Variants in JAKMIP2 observed in about 807,000 individuals in gnomAD.
JAKMIP2 encodes janus kinase and microtubule interacting protein 2, also known as janus kinase and microtubule-interacting protein 2.
A neutral mutation model predicts 115.0 loss-of-function variants in JAKMIP2; 25 were observed. That is an observed-to-expected ratio of 0.22 (90% CI 0.16 to 0.30). The LOEUF (loss-of-function observed/expected upper bound fraction) is 0.30. JAKMIP2 is among the 10% of genes least tolerant of loss of function. JAKMIP2 has a pLI of 1.00. For missense variants in JAKMIP2, 642 were observed against 957.6 expected (o/e 0.67, Z 4.35); for synonymous variants, 334 against 343.6 (o/e 0.97, Z 0.31).
rs1443942973 is a variant in JAKMIP2, at chr5:147,661,141, A to G, written c.434T>C (p.Phe145Ser). 2 of 1,614,000 alleles carry G rather than the reference A, an allele frequency of 1.2e-6. No homozygotes were observed. Among genetic ancestry groups the G allele is most frequent in the Non-Finnish European group, 1.7e-6 (2 of 1,180,012 alleles). The change falls in exon 3 of 22, where the codon TTT (phenylalanine) becomes TCT (serine). Residue 145 changes from phenylalanine (F) to serine (S), a missense_variant. By Grantham distance (155) the Phe-to-Ser change is radical. Coordinates refer to ENST00000616793, the MANE Select transcript of JAKMIP2 (RefSeq NM_001270941.2). ...TAAGAGCTTAAGGCGCTCTGTGTCAAACAGTTTCCGGGCCTCCTCCCGGGC... is the reference window on the plus strand; with the variant it reads ...TAAGAGCTTAAGGCGCTCTGTGTCAGACAGTTTCCGGGCCTCCTCCCGGGC... Reference protein sequence around the residue: ...IEAREEARKLFDTERLKLLQE... With the variant: ...IEAREEARKLSDTERLKLLQE...
At chr5:147,710,137 A>G (rs1317349795) in intron 1 of JAKMIP2, among the ~76,000 whole-genome samples, 1 of 152,190 alleles carries the variant, frequency 6.6e-6, no homozygotes, top group Admixed American at 6.5e-5. Flanking sequence ...GAGTTCTTTT[A>G]TTAATTACCT....
chr5:147,615,332 A>G (rs2126637689), intron 19 of JAKMIP2, among the ~76,000 whole-genome samples: 1 of 152,322 alleles, frequency 6.6e-6, no homozygotes, highest in South Asian at 2.1e-4. Context: ...ACTTGGATCA[A>G]TGCAATGGAA....
At chr5:147,592,080 A>C (rs145374969) in intron 21 of JAKMIP2, among the ~76,000 whole-genome samples, 2 of 152,300 alleles carry the variant, frequency 1.3e-5, no homozygotes, top group Admixed American at 6.5e-5. Flanking sequence ...TTCAGAAGGT[A>C]AATGTGCAGG....
intron 1 of JAKMIP2, among the ~76,000 whole-genome samples, chr5:147,763,555 GCTT>G (rs980449288): frequency 3.3e-5 from 5 of 152,054 alleles, no homozygotes; most frequent in South Asian, 2.1e-4. Context: ...TGGAATCATT[GCTT>G]CTTCTTCTTT....
At chr5:147,686,336 G>T (rs958530670) in intron 1 of JAKMIP2, among the ~76,000 whole-genome samples, 1 of 141,080 alleles carries the variant, frequency 7.1e-6, no homozygotes, top group African/African-American at 3.2e-5. Context: ...CAGTGTTGGT[G>T]GGGGGGCACT....
chr5:147,782,604 T>A lies in JAKMIP2; in HGVS notation c.-297A>T, dbSNP rs1036731036. 29 of 802,010 alleles carry A rather than the reference T, an allele frequency of 3.6e-5. No individual in the cohort carries two copies. Among genetic ancestry groups the A allele is most frequent in the Non-Finnish European group, 5.6e-5 (27 of 479,620 alleles). 49.7% of individuals were successfully genotyped at this position (802,010 alleles called of 1,614,324 possible). On this transcript the variant is annotated 5_prime_UTR_variant, in exon 1 of 22. Coordinates refer to ENST00000616793, the MANE Select transcript of JAKMIP2 (RefSeq NM_001270941.2). ...TCCCTCTGTCTCTGGTTGGCGATGGTGCGAATAGGAACCACCCTTCCAGCC... is the reference window on the plus strand; with the variant it reads ...TCCCTCTGTCTCTGGTTGGCGATGGAGCGAATAGGAACCACCCTTCCAGCC...
intron 19 of JAKMIP2, among the ~76,000 whole-genome samples, chr5:147,615,192 T>C (rs1756508438): frequency 1.3e-5 from 2 of 152,172 alleles, no homozygotes; most frequent in Admixed American, 1.3e-4. Flanking sequence ...AATAAATGGT[T>C]GTGAATGAGT....
chr5:147,604,978 T>A (rs956246514), intron 20 of JAKMIP2, among the ~76,000 whole-genome samples: 2 of 151,584 alleles, frequency 1.3e-5, no homozygotes, highest in African/African-American at 4.9e-5. Flanking sequence ...CTCCCCTTGC[T>A]CCCCACCCCC....
At chr5:147,622,355 T>C (rs770614918) in intron 17 of JAKMIP2, among the ~76,000 whole-genome samples, 8 of 152,228 alleles carry the variant, frequency 5.3e-5, no homozygotes, top group Non-Finnish European at 1.0e-4. Context: ...TATCAACCAA[T>C]GTACAGAATT....
Position 147,771,845 on chromosome 5 carries a change from C to G in JAKMIP2, c.-149+10611G>C, listed in dbSNP as rs2127076433. 2.0e-5 allele frequency among the ~76,000 whole-genome samples: 3 copies of G among 152,176 alleles called. No individual in the cohort carries two copies. In the South Asian group the frequency reaches 6.2e-4, roughly 32 times the overall value. On this transcript the variant is annotated intron_variant, in intron 1 of 21. Transcript: ENST00000616793. ...ACAATTGGAAGCCTATAAATATTTT[C>G]TATTTTGAGGGTCTTCAGTGAAGCT...
chr5:147,595,461 A>G (rs1331058357), intron 21 of JAKMIP2: 2 of 456,650 alleles, frequency 4.4e-6, no homozygotes, highest in African/African-American at 2.0e-5. Context: ...ACAAGGCGCC[A>G]TCTTGGAAGT....
intron 2 of JAKMIP2, among the ~76,000 whole-genome samples, chr5:147,665,306 C>T (rs1238588282): frequency 6.6e-6 from 1 of 152,194 alleles, no homozygotes; most frequent in Non-Finnish European, 1.5e-5. Flanking sequence ...CTATCTTGCC[C>T]TTCACAGAAA....
intron 21 of JAKMIP2, 145 bp downstream of exon 21, chr5:147,601,596 C>T: frequency 2.0e-6 from 1 of 487,942 alleles, no homozygotes; most frequent in Non-Finnish European, 3.6e-6. Flanking sequence ...GAACAAGACT[C>T]TGTCTCAAAA....
intron 7 of JAKMIP2, 151 bp downstream of exon 7, chr5:147,643,907 A>G: frequency 2.0e-6 from 1 of 505,400 alleles, no homozygotes; most frequent in South Asian, 6.4e-5. Flanking sequence ...AATATAAAAT[A>G]TTGGAATACA....
At chr5:147,594,375 C>A in intron 21 of JAKMIP2, 1 of 434,784 alleles carries the variant, frequency 2.3e-6, no homozygotes, top group Non-Finnish European at 4.7e-6. Context: ...TGCTTTGTTG[C>A]TCAGGATGGA....
intron 21 of JAKMIP2, chr5:147,594,245 G>T (rs554978509): frequency 1.5e-4 from 33 of 217,438 alleles, no homozygotes; most frequent in South Asian, 1.5e-3. Context: ...TTTTTAACAG[G>T]TTGCATAACA....
At chr5:147,705,092 G>A (rs1028322562) in intron 1 of JAKMIP2, among the ~76,000 whole-genome samples, 4 of 152,094 alleles carry the variant, frequency 2.6e-5, no homozygotes, top group Non-Finnish European at 5.9e-5. Context: ...AATGTTCTTC[G>A]CTTTAAGAAT....
At chr5:147,644,715 A>G (rs1022690579) in intron 6 of JAKMIP2, 135 bp downstream of exon 6, 18 of 744,342 alleles carry the variant, frequency 2.4e-5, no homozygotes, top group Non-Finnish European at 3.8e-5. Flanking sequence ...TTCTTCATTA[A>G]GGCTTCCTTG....
chr5:147,672,990 T>C (rs1374569116), intron 1 of JAKMIP2, among the ~76,000 whole-genome samples: 1 of 152,076 alleles, frequency 6.6e-6, no homozygotes, highest in Admixed American at 6.5e-5. Context: ...CAGCAAGCAA[T>C]GGGAAAGCTA....
Sources: allele counts gnomAD v4.1 joint callset (sites outside exome capture counted in the v4.1 genomes callset), GRCh38; gene constraint gnomAD v4.1.1; transcripts MANE v1.5; gene names NCBI Gene and HGNC (gene_info 2026-07-23, HGNC 2026-07-21).